Variants in EXD3 observed in about 807,000 individuals in gnomAD.
EXD3 encodes the protein exonuclease mut-7 homolog.
Under a neutral mutation model 98.0 loss-of-function variants are expected in EXD3, and 92 were observed. The observed-to-expected ratio is 0.94, with a 90% CI of 0.79 to 1.12. The LOEUF (loss-of-function observed/expected upper bound fraction) is 1.12. EXD3 is among the 50% of genes most tolerant of loss of function. The pLI is 0.00. For missense variants in EXD3, 1,222 were observed against 1,191.6 expected (o/e 1.03, Z -0.38); for synonymous variants, 569 against 526.0 (o/e 1.08, Z -1.12).
chr9:137,413,978 G>A (rs1838123802), intron 1 of EXD3, among the ~76,000 whole-genome samples: 1 of 148,014 alleles, frequency 6.8e-6, no homozygotes, highest in Non-Finnish European at 1.5e-5. Flanking sequence ...GTGCAGTGGT[G>A]CCATCTCGGC....
intron 1 of EXD3, among the ~76,000 whole-genome samples, chr9:137,406,216 C>CA (rs35385812): frequency 6.4e-3 from 365 of 57,060 alleles, no homozygotes; most frequent in East Asian, 0.029. Flanking sequence ...ACCCTGTTTC[C>CA]AAAAAAGAAA....
Position 137,403,342 on chromosome 9 carries a change from G to A in EXD3, c.-47-7938C>T, listed in dbSNP as rs976369273. ...TGTCCAGGAAAAAGCCCTCCCAGCC[G>A]CACCTGCCAGCCACTGAGTTTGGGG... On this transcript the variant is annotated intron_variant, in intron 1 of 21. Coordinates refer to ENST00000340951, the MANE Select transcript of EXD3 (RefSeq NM_017820.5). This position sits in a 1 kb window ranked among gnomAD's most constrained non-coding sequence, Gnocchi z 6.1. 5.3e-5 allele frequency among the ~76,000 whole-genome samples: 8 copies of A among 151,978 alleles called. No individual in the cohort carries two copies. Among genetic ancestry groups the A allele is most frequent in the African/African-American group, 1.2e-4 (5 of 41,376 alleles).
intron 19 of EXD3, among the ~76,000 whole-genome samples, chr9:137,314,063 C>T (rs539090293): frequency 1.3e-5 from 2 of 152,256 alleles, no homozygotes; most frequent in Non-Finnish European, 2.9e-5. Context: ...CCCAGGCTGC[C>T]CTGTGCACTC....
intron 19 of EXD3, among the ~76,000 whole-genome samples, chr9:137,310,096 C>A (rs575890054): frequency 6.6e-6 from 1 of 152,386 alleles, no homozygotes; most frequent in South Asian, 2.1e-4. Flanking sequence ...GTTGCCCCAA[C>A]CCCTGACCTG....
intron 17 of EXD3, among the ~76,000 whole-genome samples, chr9:137,338,749 T>C (rs528158584): frequency 1.6e-4 from 23 of 145,742 alleles, no homozygotes; most frequent in South Asian, 8.6e-4. Flanking sequence ...AAAAAAAAGC[T>C]GGGAGTGGTG....
chr9:137,415,754 AC>A (rs546965496), intron 1 of EXD3, among the ~76,000 whole-genome samples: 177 of 152,280 alleles, frequency 1.2e-3, no homozygotes, highest in Admixed American at 2.9e-3. Flanking sequence ...TTTCCCAAGG[AC>A]CCCAGTTCTG....
intron 5 of EXD3, among the ~76,000 whole-genome samples, chr9:137,368,976 G>A (rs1418527739): frequency 2.0e-5 from 3 of 148,164 alleles, no homozygotes; most frequent in African/African-American, 7.5e-5. Flanking sequence ...GCCGGGGGAC[G>A]GGGTGCAGTG....
At chr9:137,338,508 A>T (rs1456281350) in intron 17 of EXD3, among the ~76,000 whole-genome samples, 3 of 152,158 alleles carry the variant, frequency 2.0e-5, no homozygotes, top group African/African-American at 7.2e-5. Flanking sequence ...GAAGGAAATT[A>T]TAAAGATAAG....
At chr9:137,309,767 TGCTC>T in intron 19 of EXD3, 67 bp from the exon 20 acceptor site, 1 of 1,223,784 alleles carries the variant, frequency 8.2e-7, no homozygotes, top group South Asian at 1.3e-5. Flanking sequence ...CCCAGCCCTC[TGCTC>T]GCTCCTCGAA....
chr9:137,416,793 T>C (rs1023883758), intron 1 of EXD3, among the ~76,000 whole-genome samples: 1 of 151,622 alleles, frequency 6.6e-6, no homozygotes, highest in African/African-American at 2.4e-5. Flanking sequence ...CAGCCTAGCC[T>C]GGGGCTGTCG....
At chr9:137,404,412 A>G (rs1837620922) in intron 1 of EXD3, among the ~76,000 whole-genome samples, 1 of 152,254 alleles carries the variant, frequency 6.6e-6, no homozygotes, top group African/African-American at 2.4e-5. Context: ...GAGCTCAGCC[A>G]GGATCAAAGC....
At chr9:137,331,236 G>A (rs1274110585) in intron 17 of EXD3, among the ~76,000 whole-genome samples, 1 of 152,044 alleles carries the variant, frequency 6.6e-6, no homozygotes, top group Non-Finnish European at 1.5e-5. Flanking sequence ...AACCAACTAG[G>A]CTTGGAAGGA....
Position 137,307,636 on chromosome 9 carries a change from G to A in EXD3, c.2289C>T (p.Ala763=), listed in dbSNP as rs1831116730. The A allele has an allele frequency of 1.9e-6, 3 of 1,610,014 alleles. No individual in the cohort carries two copies. Among genetic ancestry groups the A allele is most frequent in the Non-Finnish European group, 2.5e-6 (3 of 1,179,686 alleles). The part of the protein sequence containing the change: ...QEGPRSSGDE[A]TQSQAVQEPG... ...GCTCCTGCACCGCCTGGCTCTGGGT[G>A]GCCTCGTCACCTGTCAGTCAAGGAA... Residue 763 remains alanine (A), a synonymous_variant, in exon 21 of 22, where the codon GCC becomes GCT. Transcript: ENST00000340951.
intron 17 of EXD3, among the ~76,000 whole-genome samples, chr9:137,341,374 GTGATTCAGTGTTACAGGACTC>G: frequency 1.3e-5 from 2 of 152,212 alleles, no homozygotes; most frequent in African/African-American, 2.4e-5. Context: ...TCATCCTGAG[GTGATTCAGTGTTACAGGACTC>G]AGCACACAGT....
chr9:137,334,401 T>C (rs1588284758), intron 17 of EXD3, among the ~76,000 whole-genome samples: 1 of 152,296 alleles, frequency 6.6e-6, no homozygotes, highest in East Asian at 1.9e-4. Context: ...ACCAATGGGA[T>C]GGAATAGAGA....
chr9:137,395,269 C>G lies in EXD3; in HGVS notation c.55+34G>C, dbSNP rs1484727690. 1.2e-6 allele frequency: 2 copies of G among 1,600,522 alleles called. No homozygotes were observed. Among genetic ancestry groups the G allele is most frequent in the Non-Finnish European group, 1.7e-6 (2 of 1,168,072 alleles). ...ACCCACGCACCTCCCCCCACAGCCC[C>G]AGGGAGACTCGGCACCATCAGGCTC... is the stretch of plus-strand genomic sequence containing the variant. On this transcript the variant is annotated intron_variant, in intron 2 of 21. Transcript: ENST00000340951. The surrounding 1 kb of genome is among the most constrained non-coding windows in gnomAD (Gnocchi z 6.5).
chr9:137,315,774 T>C (rs1219964486), intron 19 of EXD3, among the ~76,000 whole-genome samples: 5 of 151,678 alleles, frequency 3.3e-5, no homozygotes, highest in Admixed American at 3.3e-4. Context: ...GCAGGAGGAA[T>C]AAAAACAGGG....
chr9:137,325,366 G>A (rs1832337728), intron 17 of EXD3, among the ~76,000 whole-genome samples: 1 of 152,206 alleles, frequency 6.6e-6, no homozygotes, highest in Non-Finnish European at 1.5e-5. Flanking sequence ...TGCCAGCCAG[G>A]GAACAGGTGC....
chr9:137,371,593 G>T lies in EXD3; in HGVS notation c.462+1312C>A, dbSNP rs906009929. Among the ~76,000 whole-genome samples, 1 of 151,964 alleles carries T rather than the reference G, an allele frequency of 6.6e-6. No individual in the cohort carries two copies. The highest frequency in any genetic ancestry group is 1.5e-5 in the Non-Finnish European group (1 of 67,924). On this transcript the variant is annotated intron_variant, in intron 5 of 21. Coordinates refer to ENST00000340951, the MANE Select transcript of EXD3 (RefSeq NM_017820.5). The surrounding 1 kb of genome is among the most constrained non-coding windows in gnomAD (Gnocchi z 8.0). The stretch of plus-strand genomic sequence containing the variant: ...TCACGCTCGGCCCTGAAGTAAGGGG[G>T]CCCTAATGGGGCGGGGAGTGGACCA...
Sources: allele counts gnomAD v4.1 joint callset (sites outside exome capture counted in the v4.1 genomes callset), GRCh38; gene constraint gnomAD v4.1.1; non-coding constraint Gnocchi (gnomAD v3.1); transcripts MANE v1.5; gene names NCBI Gene and HGNC (gene_info 2026-07-23, HGNC 2026-07-21).